The following CHP1 variants were observed in gnomAD, a reference collection of about 807,000 sequenced individuals.
CHP1 encodes the protein calcineurin like EF-hand protein 1.
Under a neutral mutation model 27.4 loss-of-function variants are expected in CHP1, and 11 were observed. The observed-to-expected ratio is 0.40, with a 90% CI of 0.25 to 0.67. The LOEUF is 0.67. CHP1 is among the 30% of genes least tolerant of loss of function. The probability of loss-of-function intolerance (pLI) is 0.38; values close to 1 mark genes in which losing one functional copy is unlikely to be tolerated. For synonymous variants in CHP1, 89 were observed against 87.4 expected, an observed-to-expected ratio of 1.02 and a Z score of -0.10; for missense variants, 169 against 251.3, an observed-to-expected ratio of 0.67 and a Z score of 2.22.
intron 5 of CHP1, chr15:41,272,117 C>T (rs866951968): frequency 6.6e-6 from 1 of 152,196 alleles, no homozygotes; most frequent in African/African-American, 2.4e-5. Flanking sequence ...TGGGTGGGTA[C>T]ATATGTTAAA....
In CHP1 at chr15:41,237,857, G is replaced by A. The variant is rs568215828; in HGVS notation, c.68-5810G>A. Among the ~76,000 whole-genome samples the A allele has an allele frequency of 3.3e-5, 5 of 152,164 alleles. No homozygotes were observed. The South Asian group carries it at 1.0e-3, about 32-fold the overall frequency. On this transcript the variant is annotated intron_variant, in intron 1 of 6. Transcript: ENST00000334660. ...CCTGAGTAGCTGGGACTATAGGCAC[G>A]TGCCACCATGCCCGGCTAATTTTTG...
chr15:41,247,828 G>T (rs1209578567), intron 2 of CHP1, among the ~76,000 whole-genome samples: 1 of 151,526 alleles, frequency 6.6e-6, no homozygotes, highest in Non-Finnish European at 1.5e-5. Flanking sequence ...AATTAGCTGG[G>T]AGTGGTGGTG....
intron 5 of CHP1, among the ~76,000 whole-genome samples, chr15:41,276,240 CAA>C (rs11451377): frequency 7.1e-5 from 9 of 126,018 alleles, no homozygotes; most frequent in Admixed American, 2.5e-4. Context: ...GACTCCATCT[CAA>C]AAAAAAAAAA....
At chr15:41,255,415 GTAATCCCAGGACTT>G (rs776798258) in intron 2 of CHP1, among the ~76,000 whole-genome samples, 1 of 152,234 alleles carries the variant, frequency 6.6e-6, no homozygotes, top group African/African-American at 2.4e-5. Flanking sequence ...GCTCACGCCT[GTAATCCCAGGACTT>G]TGGGAGGCTG....
intron 2 of CHP1, among the ~76,000 whole-genome samples, chr15:41,250,490 C>T (rs566643787): frequency 8.6e-4 from 131 of 152,096 alleles, no homozygotes; most frequent in Middle Eastern, 3.4e-3. Context: ...TCGCTTGAAC[C>T]CGGGAGGCGG....
chr15:41,249,512 G>T (rs1324261794), intron 2 of CHP1, among the ~76,000 whole-genome samples: 1 of 118,640 alleles, frequency 8.4e-6, no homozygotes, highest in African/African-American at 3.4e-5. Context: ...TCGCTCTGTC[G>T]TCCAGGCTGG....
chr15:41,249,462 C>CTTTT (rs1163537727), intron 2 of CHP1, among the ~76,000 whole-genome samples: 7 of 78,480 alleles, frequency 8.9e-5, no homozygotes, highest in Admixed American at 1.6e-4. Flanking sequence ...CCTTCACCTT[C>CTTTT]TTTTTTTTTT....
chr15:41,271,406 C>T (rs1370813181), intron 5 of CHP1, among the ~76,000 whole-genome samples: 1 of 151,792 alleles, frequency 6.6e-6, no homozygotes, highest in Non-Finnish European at 1.5e-5. Context: ...CCAGCCTGAG[C>T]GACAAGAGTG....
At chr15:41,272,837 A>G (rs1256096032) in intron 5 of CHP1, among the ~76,000 whole-genome samples, 1 of 151,984 alleles carries the variant, frequency 6.6e-6, no homozygotes, top group African/African-American at 2.4e-5. Flanking sequence ...TCCCGAGGTC[A>G]GGAGATCGAG....
chr15:41,253,232 C>T (rs1198359898), intron 2 of CHP1, among the ~76,000 whole-genome samples: 3 of 151,620 alleles, frequency 2.0e-5, no homozygotes, highest in South Asian at 4.2e-4. Context: ...CCACTGTGCC[C>T]GGCCTTCGGA....
rs2047538725 is a variant in CHP1 at position 41,280,227 on chromosome 15, T to C, written c.*838T>C. Reference sequence around the variant, plus strand: ...CTTTGTACCTGTGTGGCTCCTCTTGTTAGTGCAATGTTGACTGTTGAAAAA... The same window carrying C: ...CTTTGTACCTGTGTGGCTCCTCTTGCTAGTGCAATGTTGACTGTTGAAAAA... On this transcript the variant is annotated 3_prime_UTR_variant, in exon 7 of 7. Transcript: ENST00000334660. 1 of 152,410 alleles carries C rather than the reference T, an allele frequency of 6.6e-6. No homozygotes were observed. Among genetic ancestry groups the C allele is most frequent in the Non-Finnish European group, 1.5e-5 (1 of 68,108 alleles). 9.4% of individuals were successfully genotyped at this position (152,410 alleles called of 1,614,324 possible). A position where few individuals can be genotyped will look rare whatever the true frequency, so the allele number is the denominator to read the frequency against.
intron 2 of CHP1, among the ~76,000 whole-genome samples, chr15:41,244,752 A>G (rs1053027522): frequency 2.0e-5 from 3 of 152,188 alleles, no homozygotes; most frequent in Non-Finnish European, 4.4e-5. Flanking sequence ...ATGTAATGCT[A>G]TATTGTTTTA....
At chr15:41,260,394 CTT>C (rs34417644) in intron 3 of CHP1, among the ~76,000 whole-genome samples, 122 of 124,510 alleles carry the variant, frequency 9.8e-4, no homozygotes, top group Middle Eastern at 4.2e-3. Flanking sequence ...TCTTTCAAAA[CTT>C]TTTTTTTTTT....
Position 41,274,497 on chromosome 15 carries a change from T to C in CHP1, c.411+3879T>C, listed in dbSNP as rs565102535. Among the ~76,000 whole-genome samples the C allele has an allele frequency of 7.6e-4, 116 of 152,258 alleles. 1 individual carries two copies. The highest frequency in any genetic ancestry group is 2.7e-3 in the African/African-American group (113 of 41,552). On this transcript the variant is annotated intron_variant, in intron 5 of 6. Transcript: ENST00000334660. ...TTGAATGCTTAGGCTCAAGTGATCC[T>C]CTGGCCTTAGCCTTCCAAGTAGGTG...
At chr15:41,242,817 C>T (rs9745301) in intron 1 of CHP1, among the ~76,000 whole-genome samples, 2,808 of 151,688 alleles carry the variant, frequency 0.019, 99 homozygotes, top group African/African-American at 0.065. Context: ...GTGGTGGGCG[C>T]CTGTAATCCC....
chr15:41,254,308 T>A (rs991274232), intron 2 of CHP1, among the ~76,000 whole-genome samples: 1 of 152,186 alleles, frequency 6.6e-6, no homozygotes, highest in Non-Finnish European at 1.5e-5. Flanking sequence ...TTAAACTGCC[T>A]TTTCTCAGCT....
intron 2 of CHP1, among the ~76,000 whole-genome samples, chr15:41,250,660 CA>C (rs11288125): frequency 0.68 from 84,541 of 124,476 alleles, 27,985 homozygotes; most frequent in African/African-American, 0.89. Context: ...GGTTTCTTAC[CA>C]AAAAAAAAAA....
At position 41,262,847 on chromosome 15, in the gene CHP1, C is replaced by T; in HGVS notation, c.313C>T (p.Pro105Ser). 1 of 1,614,084 alleles carries T rather than the reference C, an allele frequency of 6.2e-7. No individual in the cohort carries two copies. The highest frequency in any genetic ancestry group is 8.5e-7 in the Non-Finnish European group (1 of 1,180,004). The change falls in exon 4 of 7, where the codon CCC becomes TCC. Residue 105 changes from proline (P) to serine (S), a missense_variant. By Grantham distance (74) the Pro-to-Ser change is moderately conservative (BLOSUM62 -1). Coordinates refer to ENST00000334660, the MANE Select transcript of CHP1 (RefSeq NM_007236.5). Reference sequence around the variant, plus strand: ...TGAAAAGAGCAAAGATGTGAATGGACCCGAACCACTCAACAGCCGAAGCAA... The same window carrying T: ...TGAAAAGAGCAAAGATGTGAATGGATCCGAACCACTCAACAGCCGAAGCAA... The part of the protein sequence containing the change: ...DNEKSKDVNG[P>S]EPLNSRSNKL...
chr15:41,278,051 G>A (rs1416785889), intron 5 of CHP1, among the ~76,000 whole-genome samples: 2 of 151,728 alleles, frequency 1.3e-5, no homozygotes, highest in South Asian at 2.1e-4. Context: ...TTTTTTGGCC[G>A]GGCGCAGTGG....
Sources: allele counts gnomAD v4.1 joint callset (sites outside exome capture counted in the v4.1 genomes callset), GRCh38; gene constraint gnomAD v4.1.1; transcripts MANE v1.5; gene names NCBI Gene and HGNC (gene_info 2026-07-23, HGNC 2026-07-21).